Variants in GNAO1 observed in about 807,000 individuals in gnomAD.
GNAO1 encodes guanine nucleotide-binding protein G(o) subunit alpha.
For missense variants in GNAO1, 166 were observed against 478.7 expected (o/e 0.35, Z 6.10); for synonymous variants, 164 against 180.7 (o/e 0.91, Z 0.74).
intron 2 of GNAO1, chr16:56,193,742 C>T (rs1271118555): frequency 2.5e-5 from 6 of 235,322 alleles, no homozygotes; most frequent in Admixed American, 1.0e-4. Flanking sequence ...GGGTGGCCGG[C>T]AGCGAAGGGG....
chr16:56,306,120 T>C (rs959754002), intron 3 of GNAO1, among the ~76,000 whole-genome samples: 14 of 152,226 alleles, frequency 9.2e-5, no homozygotes, highest in Admixed American at 6.5e-4. Context: ...CCAGTTCCAC[T>C]GCTTGCTCCC....
intron 2 of GNAO1, among the ~76,000 whole-genome samples, chr16:56,247,214 G>A (rs1299321649): frequency 6.6e-5 from 10 of 152,188 alleles, no homozygotes; most frequent in African/African-American, 2.4e-4. Flanking sequence ...ACAGAACTGC[G>A]CTAGCCTGTG....
intron 6 of GNAO1, among the ~76,000 whole-genome samples, chr16:56,342,583 G>A (rs571498817): frequency 6.6e-6 from 1 of 152,364 alleles, no homozygotes; most frequent in South Asian, 2.1e-4. Context: ...GGCAGCATGT[G>A]AGCCAGGCGG....
At chr16:56,297,572 T>TGTATGC (rs56354263) in intron 3 of GNAO1, among the ~76,000 whole-genome samples, 1 of 132,656 alleles carries the variant, frequency 7.5e-6, no homozygotes, top group Non-Finnish European at 1.7e-5. Context: ...TGTGTGTGTG[T>TGTATGC]ATGCATGTGT....
chr16:56,333,097 T>A (rs2037706083), intron 4 of GNAO1, among the ~76,000 whole-genome samples: 2 of 152,214 alleles, frequency 1.3e-5, no homozygotes, highest in Non-Finnish European at 2.9e-5. Flanking sequence ...GGAGTCCTGT[T>A]TAAATTTTTT....
intron 2 of GNAO1, among the ~76,000 whole-genome samples, chr16:56,274,942 T>C (rs8043954): frequency 0.034 from 5,127 of 152,264 alleles, 187 homozygotes; most frequent in African/African-American, 0.082. Context: ...CTGTTGTTTT[T>C]AAAAAAAGAA....
chr16:56,220,092 T>TA (rs2036470125), intron 2 of GNAO1, among the ~76,000 whole-genome samples: 1 of 152,172 alleles, frequency 6.6e-6, no homozygotes, highest in Non-Finnish European at 1.5e-5. Flanking sequence ...ATTATTTTTG[T>TA]AAAATCTCCC....
At chr16:56,289,153 T>C (rs1490578625) in intron 3 of GNAO1, among the ~76,000 whole-genome samples, 1 of 152,206 alleles carries the variant, frequency 6.6e-6, no homozygotes, top group Admixed American at 6.5e-5. Flanking sequence ...GCTGGGCTGT[T>C]AGCAGCAAAA....
chr16:56,217,806 C>T (rs1225305148), intron 2 of GNAO1, among the ~76,000 whole-genome samples: 2 of 152,110 alleles, frequency 1.3e-5, no homozygotes, highest in African/African-American at 4.8e-5. Flanking sequence ...TTCCTAAAGC[C>T]CCATATTGCA....
chr16:56,206,115 T>A (rs2036325189), intron 2 of GNAO1, among the ~76,000 whole-genome samples: 1 of 151,762 alleles, frequency 6.6e-6, no homozygotes, highest in Non-Finnish European at 1.5e-5. Flanking sequence ...AGTCAGGAGA[T>A]CCAGACCATC....
At chr16:56,233,010 A>G (rs116348412) in intron 2 of GNAO1, among the ~76,000 whole-genome samples, 1,821 of 152,330 alleles carry the variant, frequency 0.012, 42 homozygotes, top group African/African-American at 0.042. Context: ...AAATGCATCT[A>G]TGACACTCCT....
intron 2 of GNAO1, among the ~76,000 whole-genome samples, chr16:56,247,146 C>T (rs1438967591): frequency 6.6e-6 from 1 of 152,186 alleles, no homozygotes; most frequent in Non-Finnish European, 1.5e-5. Context: ...CACCAGCTAC[C>T]CAGGTCAGCA....
intron 2 of GNAO1, among the ~76,000 whole-genome samples, chr16:56,212,612 T>G (rs2036400052): frequency 6.6e-6 from 1 of 152,262 alleles, no homozygotes; most frequent in Admixed American, 6.5e-5. Flanking sequence ...TGAGGAACTC[T>G]TCTAGAAGTA....
intron 2 of GNAO1, among the ~76,000 whole-genome samples, chr16:56,234,416 A>G (rs2143407039): frequency 6.6e-6 from 1 of 152,360 alleles, no homozygotes; most frequent in Admixed American, 6.5e-5. Flanking sequence ...ATTGACAGAC[A>G]TGCTCGGGGC....
chr16:56,195,955 G>A (rs1477283946), intron 2 of GNAO1, among the ~76,000 whole-genome samples: 8 of 152,114 alleles, frequency 5.3e-5, no homozygotes, highest in African/African-American at 1.9e-4. Context: ...TAGAACAAAG[G>A]GTTAACATCT....
intron 2 of GNAO1, among the ~76,000 whole-genome samples, chr16:56,219,049 C>A (rs1393596296): frequency 2.0e-5 from 3 of 152,188 alleles, no homozygotes; most frequent in African/African-American, 7.2e-5. Flanking sequence ...CACCCCCCAA[C>A]CCAGCTGCTC....
chr16:56,357,301 AAAG>A lies in GNAO1; in HGVS notation c.*1230_*1232del, dbSNP rs1197380964. On this transcript the variant is annotated 3_prime_UTR_variant, in exon 9 of 9. Coordinates refer to ENST00000262493, the MANE Select transcript of GNAO1 (RefSeq NM_020988.3). Reference sequence around the variant, plus strand: ...AAAAAAACTTAAAAAAAAAAGGAAAAAAGAAAAAAAAGCCCACGGGTCTTTGTA... The same window carrying A: ...AAAAAAACTTAAAAAAAAAAGGAAAAAAAAAAAAGCCCACGGGTCTTTGTA... 23 of 152,268 alleles carry A rather than the reference AAAG, an allele frequency of 1.5e-4. No homozygotes were observed. The highest frequency in any genetic ancestry group is 4.3e-4 in the African/African-American group (18 of 41,442). The allele number at this position is 152,268 out of a possible 1,614,324, so 9.4% of individuals were successfully genotyped here.
At chr16:56,213,420 A>T (rs768650511) in intron 2 of GNAO1, 5 of 398,340 alleles carry the variant, frequency 1.3e-5, no homozygotes, top group Non-Finnish European at 2.2e-5. Flanking sequence ...GTAGTATTAT[A>T]CATCAGCTGG....
chr16:56,338,002 G>A (rs2037759827), intron 6 of GNAO1, among the ~76,000 whole-genome samples: 1 of 152,236 alleles, frequency 6.6e-6, no homozygotes, highest in East Asian at 1.9e-4. Flanking sequence ...GGGGCTTGTT[G>A]TCATGCTGGG....
Sources: gnomAD v4.1 joint callset for allele counts (sites outside exome capture counted in the v4.1 genomes callset) on GRCh38, gnomAD v4.1.1 for gene constraint, MANE v1.5 for transcripts, NCBI Gene and HGNC (gene_info 2026-07-23, HGNC 2026-07-21) for gene names.